Variants in COL19A1 observed in about 807,000 individuals in gnomAD.
COL19A1 encodes collagen alpha-1(XIX) chain.
A neutral mutation model predicts 190.2 loss-of-function variants in COL19A1; 159 were observed. The ratio of observed to expected loss-of-function variants is 0.84; its 90% CI spans 0.73 to 0.95. The LOEUF is 0.95. Among genes scored for constraint, COL19A1 ranks in the 40% least tolerant of loss-of-function variants. The pLI, the probability that COL19A1 is intolerant of heterozygous loss-of-function variation, is 0.00. For missense variants in COL19A1, 1,418 were observed against 1,431.9 expected, an observed-to-expected ratio of 0.99 and a Z score of 0.16; for synonymous variants, 509 against 458.9, an observed-to-expected ratio of 1.11 and a Z score of -1.39.
At chr6:70,201,505 A>C (rs979033748) in intron 49 of COL19A1, among the ~76,000 whole-genome samples, 7 of 152,180 alleles carry the variant, frequency 4.6e-5, no homozygotes, top group African/African-American at 1.7e-4. Flanking sequence ...TCTGGATGCA[A>C]TTCTTAAACT....
intron 11 of COL19A1, among the ~76,000 whole-genome samples, chr6:69,988,361 G>A (rs1443994767): frequency 6.6e-6 from 1 of 152,192 alleles, no homozygotes; most frequent in Non-Finnish European, 1.5e-5. Flanking sequence ...TGTGCTTAGT[G>A]CTTAGGATTT....
intron 34 of COL19A1, among the ~76,000 whole-genome samples, chr6:70,157,062 T>C (rs1787485031): frequency 6.6e-6 from 1 of 152,048 alleles, no homozygotes. Context: ...CCAAGGTAGC[T>C]AAGAGATTTA....
intron 15 of COL19A1, among the ~76,000 whole-genome samples, chr6:70,087,380 G>T (rs1032272702): frequency 3.2e-4 from 49 of 152,086 alleles, no homozygotes; most frequent in African/African-American, 1.2e-3. Flanking sequence ...AATAGATGAG[G>T]GCCATGTGAA....
At position 69,967,917 on chromosome 6, in the gene COL19A1, C is replaced by T. The variant is rs143861263; in HGVS notation, c.1026+5047C>T. Among the ~76,000 whole-genome samples the T allele has an allele frequency of 2.2e-4, 32 of 143,362 alleles. No homozygotes were observed. In the East Asian group the frequency reaches 4.2e-3, roughly 19 times the overall value. The allele number at this position is 143,362 out of a possible 152,430, so 94.1% of individuals were successfully genotyped here. On this transcript the variant is annotated intron_variant, in intron 11 of 50. Coordinates refer to ENST00000620364, the MANE Select transcript of COL19A1 (RefSeq NM_001858.6). Reference sequence around the variant, plus strand: ...ACAATTATTTAAATGTCTACTATAACGTAGCGTAAAGTACACGTAGCGTAA... The same window carrying T: ...ACAATTATTTAAATGTCTACTATAATGTAGCGTAAAGTACACGTAGCGTAA...
intron 18 of COL19A1, among the ~76,000 whole-genome samples, chr6:70,135,760 C>T (rs1582997906): frequency 6.6e-6 from 1 of 152,160 alleles, no homozygotes; most frequent in Admixed American, 6.5e-5. Flanking sequence ...GTTAGTTTGG[C>T]AGAATCTGAT....
At chr6:69,896,478 A>C (rs1033380612) in intron 2 of COL19A1, among the ~76,000 whole-genome samples, 1 of 141,112 alleles carries the variant, frequency 7.1e-6, no homozygotes, top group Non-Finnish European at 1.5e-5. Flanking sequence ...CGGAGCTTGC[A>C]GTGAGCCGAG....
chr6:70,193,879 A>G (rs919647603), intron 48 of COL19A1, among the ~76,000 whole-genome samples: 2 of 152,254 alleles, frequency 1.3e-5, no homozygotes, highest in Non-Finnish European at 2.9e-5. Flanking sequence ...ACAAAAAAGA[A>G]AAAAGAAAAC....
At chr6:69,980,726 G>T (rs377273707) in intron 11 of COL19A1, among the ~76,000 whole-genome samples, 1 of 152,182 alleles carries the variant, frequency 6.6e-6, no homozygotes, top group African/African-American at 2.4e-5. Flanking sequence ...TAGGCAGCTC[G>T]CTAAAGAGAA....
At position 69,962,754 on chromosome 6, in the gene COL19A1, T is replaced by G. The variant is rs1774876248; in HGVS notation, c.982-72T>G. On this transcript the variant is annotated intron_variant, in intron 10 of 50. Coordinates refer to ENST00000620364, the MANE Select transcript of COL19A1 (RefSeq NM_001858.6). Reference sequence around the variant, plus strand: ...GATTTTTCATTGTTTGAAACATAATTTTTATTGTAAAAATTGCATGTGTTA... The same window carrying G: ...GATTTTTCATTGTTTGAAACATAATGTTTATTGTAAAAATTGCATGTGTTA... 3 of 1,084,308 alleles carry G rather than the reference T, an allele frequency of 2.8e-6. No individual in the cohort carries two copies. The South Asian group carries it at 5.3e-5, about 19-fold the overall frequency. 67.2% of individuals were successfully genotyped at this position (1,084,308 alleles called of 1,614,324 possible).
intron 2 of COL19A1, among the ~76,000 whole-genome samples, chr6:69,897,327 C>A (rs113244200): frequency 1.3e-5 from 2 of 152,112 alleles, no homozygotes; most frequent in Non-Finnish European, 2.9e-5. Context: ...TGTGTACCAA[C>A]CCCACAGTAT....
At chr6:70,109,001 A>G (rs923835500) in intron 16 of COL19A1, among the ~76,000 whole-genome samples, 1 of 152,178 alleles carries the variant, frequency 6.6e-6, no homozygotes, top group Non-Finnish European at 1.5e-5. Flanking sequence ...GTTAATCACT[A>G]TTACAAACAT....
chr6:70,187,951 G>T, intron 46 of COL19A1, 124 bp from the exon 47 acceptor site: 1 of 1,105,956 alleles, frequency 9.0e-7, no homozygotes, highest in East Asian at 2.6e-5. Flanking sequence ...AGGACACAGA[G>T]AGTTTAAGTT....
chr6:70,063,915 A>G (rs565190604), intron 14 of COL19A1, among the ~76,000 whole-genome samples: 36 of 152,312 alleles, frequency 2.4e-4, no homozygotes, highest in African/African-American at 7.5e-4. Flanking sequence ...CACCCTCCCA[A>G]GACTAAACCA....
Position 70,146,649 on chromosome 6 carries a change from T to A in COL19A1, c.1771-10T>A. 1.2e-6 allele frequency: 2 copies of A among 1,600,720 alleles called. No individual in the cohort carries two copies. Among genetic ancestry groups the A allele is most frequent in the Non-Finnish European group, 1.7e-6 (2 of 1,174,022 alleles). On this transcript the variant is annotated splice_polypyrimidine_tract_variant and intron_variant, in intron 25 of 50. Transcript: ENST00000620364. ...GAAGAAGATATGTATTCATACTTTTTTTCTTTTAGGGATTAGATGGAAATC... is the reference window on the plus strand; with the variant it reads ...GAAGAAGATATGTATTCATACTTTTATTCTTTTAGGGATTAGATGGAAATC...
At chr6:70,021,794 ATTTAATTTAGT>A (rs1417771601) in intron 11 of COL19A1, among the ~76,000 whole-genome samples, 2 of 152,120 alleles carry the variant, frequency 1.3e-5, no homozygotes. Context: ...TTTACATTTA[ATTTAATTTAGT>A]TTTAATTTTA....
intron 2 of COL19A1, chr6:69,890,688 A>T (rs1256561867): frequency 1.3e-5 from 2 of 152,212 alleles, no homozygotes; most frequent in Non-Finnish European, 2.9e-5. Flanking sequence ...TATTTATCTG[A>T]CATTCACATT....
chr6:70,113,600 T>A (rs1031920605), intron 16 of COL19A1, among the ~76,000 whole-genome samples: 1 of 152,202 alleles, frequency 6.6e-6, no homozygotes, highest in Non-Finnish European at 1.5e-5. Flanking sequence ...CGAAGGCTCC[T>A]TGCCCTTCAT....
chr6:70,024,610 T>G (rs929991616), intron 12 of COL19A1, among the ~76,000 whole-genome samples: 3 of 137,548 alleles, frequency 2.2e-5, no homozygotes, highest in Non-Finnish European at 4.9e-5. Context: ...TGTGTGTGTG[T>G]GTGTGGGTGT....
chr6:70,161,823 G>T, intron 34 of COL19A1, 77 bp from the exon 35 acceptor site: 1 of 1,166,542 alleles, frequency 8.6e-7, no homozygotes. Context: ...ATGTTCAATG[G>T]TCAAAATATT....
Sources: allele counts gnomAD v4.1 joint callset (sites outside exome capture counted in the v4.1 genomes callset), GRCh38; gene constraint gnomAD v4.1.1; transcripts MANE v1.5; gene names NCBI Gene and HGNC (gene_info 2026-07-23, HGNC 2026-07-21).